The following ORC4 variants were observed in gnomAD, a reference collection of about 807,000 sequenced individuals.
ORC4 encodes the protein origin recognition complex subunit 4, also known as origin recognition complex, subunit 4 homolog.
ORC4 carries 55 observed loss-of-function variants against 63.9 expected under a neutral mutation model. The observed-to-expected ratio is 0.86, with a 90% CI of 0.69 to 1.08. The LOEUF is 1.08. ORC4 is among the 50% of genes least tolerant of loss of function. The pLI, the probability that ORC4 is intolerant of heterozygous loss-of-function variation, is 0.00. For missense variants in ORC4, 511 were observed against 504.4 expected, an observed-to-expected ratio of 1.01 and a Z score of -0.13; for synonymous variants, 150 against 168.5, an observed-to-expected ratio of 0.89 and a Z score of 0.85.
intron 1 of ORC4, among the ~76,000 whole-genome samples, chr2:148,009,591 T>TCTA (rs1692829453): frequency 6.6e-6 from 1 of 152,170 alleles, no homozygotes; most frequent in Non-Finnish European, 1.5e-5. Context: ...TCAAGTGTAT[T>TCTA]AGAGTTAAGG....
intron 4 of ORC4, among the ~76,000 whole-genome samples, chr2:147,970,779 T>G (rs190202384): frequency 1.3e-5 from 2 of 152,136 alleles, no homozygotes; most frequent in Non-Finnish European, 2.9e-5. Flanking sequence ...GTGATGAAGC[T>G]TCAGATACAA....
chr2:147,968,202 C>G (rs1040405053), intron 4 of ORC4, among the ~76,000 whole-genome samples: 1 of 151,894 alleles, frequency 6.6e-6, no homozygotes, highest in African/African-American at 2.4e-5. Flanking sequence ...TAGAAGAAAA[C>G]ATAGGGGTAA....
At chr2:148,002,212 A>G (rs1012883094) in intron 1 of ORC4, among the ~76,000 whole-genome samples, 1 of 152,188 alleles carries the variant, frequency 6.6e-6, no homozygotes, top group African/African-American at 2.4e-5. Flanking sequence ...AACAAGACAG[A>G]AAATTAACAA....
At position 147,975,986 on chromosome 2, in the gene ORC4, A is replaced by T. The variant is rs1304992982; in HGVS notation, c.-17-11T>A. 1 of 1,339,714 alleles carries T rather than the reference A, an allele frequency of 7.5e-7. No homozygotes were observed. The highest frequency in any genetic ancestry group is 1.1e-6 in the Non-Finnish European group (1 of 930,234). 83.0% of individuals were successfully genotyped at this position (1,339,714 alleles called of 1,614,324 possible). A position where few individuals can be genotyped will look rare whatever the true frequency, so the allele number is the denominator to read the frequency against. On this transcript the variant is annotated splice_polypyrimidine_tract_variant and intron_variant, in intron 1 of 13. Transcript: ENST00000392857. Reference sequence around the variant, plus strand: ...CAACAAATTCAAATCCTTTAAAAAAATTGGCATAAATATTATAAACGTAGT... The same window carrying T: ...CAACAAATTCAAATCCTTTAAAAAATTTGGCATAAATATTATAAACGTAGT...
intron 4 of ORC4, among the ~76,000 whole-genome samples, chr2:147,964,330 T>C (rs1378025466): frequency 6.6e-6 from 1 of 152,070 alleles, no homozygotes; most frequent in African/African-American, 2.4e-5. Flanking sequence ...AACTGAGACC[T>C]TCAATAACAG....
chr2:147,975,979 T>TA lies in ORC4; in HGVS notation c.-17-5dup, dbSNP rs2307399. The TA allele has an allele frequency of 0.57, 805,186 of 1,403,964 alleles. 238,784 individuals carry two copies. Among genetic ancestry groups the TA allele is most frequent in the African/African-American group, 0.83 (58,571 of 70,792 alleles). 87.0% of individuals were successfully genotyped at this position (1,403,964 alleles called of 1,614,324 possible). A position where few individuals can be genotyped will look rare whatever the true frequency, so the allele number is the denominator to read the frequency against. ...CTCATTTCAACAAATTCAAATCCTT[T>TA]AAAAAAATTGGCATAAATATTATAA... On this transcript the variant is annotated splice_polypyrimidine_tract_variant and splice_region_variant and intron_variant, in intron 1 of 13. Coordinates refer to ENST00000392857, the MANE Select transcript of ORC4 (RefSeq NM_181741.4).
chr2:147,953,231 G>A (rs1396017404), intron 7 of ORC4, among the ~76,000 whole-genome samples: 3 of 151,450 alleles, frequency 2.0e-5, no homozygotes, highest in East Asian at 1.9e-4. Flanking sequence ...CTTGAACTGC[G>A]GAGGCAGAGG....
chr2:147,935,754 CTGT>C, intron 13 of ORC4, 56 bp from the exon 14 acceptor site: 2 of 1,438,830 alleles, frequency 1.4e-6, no homozygotes, highest in Non-Finnish European at 2.0e-6. Flanking sequence ...GACAACTCTC[CTGT>C]TCTCTCCCAG....
chr2:148,003,879 T>C (rs1264092059), intron 1 of ORC4, among the ~76,000 whole-genome samples: 1 of 152,082 alleles, frequency 6.6e-6, no homozygotes, highest in African/African-American at 2.4e-5. Flanking sequence ...CAGCCCAAAA[T>C]CTCCTTGAGC....
At chr2:147,988,644 C>T (rs541923250) in intron 1 of ORC4, among the ~76,000 whole-genome samples, 2 of 152,204 alleles carry the variant, frequency 1.3e-5, no homozygotes, top group Admixed American at 6.5e-5. Flanking sequence ...TGAATCACCA[C>T]GCCCAGCCTC....
intron 7 of ORC4, among the ~76,000 whole-genome samples, chr2:147,953,289 G>A (rs1253666376): frequency 2.0e-5 from 3 of 152,070 alleles, no homozygotes; most frequent in Non-Finnish European, 4.4e-5. Flanking sequence ...TGGGCAACAA[G>A]AGTGAAACTC....
At position 147,973,522 on chromosome 2, in the gene ORC4, T is replaced by G. The variant is rs1423309619; in HGVS notation, c.60A>C (p.Val20=). Residue 20 remains valine, a splice_region_variant and synonymous_variant, in exon 3 of 14, where the codon GTA becomes GTC. Transcript: ENST00000392857. ...AAAATCTTTCACGTAAAATTCTTTG[T>G]ACCTGATGAAAATAAAGTGAATAAA... ...SLIHTECLSQ[V]QRILRERFCR... The G allele has an allele frequency of 3.2e-6, 5 of 1,565,222 alleles. No individual in the cohort carries two copies. The East Asian group carries it at 1.1e-4, about 35-fold the overall frequency.
intron 10 of ORC4, among the ~76,000 whole-genome samples, chr2:147,942,888 A>T (rs959164133): frequency 1.3e-5 from 2 of 152,154 alleles, no homozygotes; most frequent in African/African-American, 4.8e-5. Flanking sequence ...AGTTCAGCAT[A>T]GACTATAAGT....
chr2:147,950,897 T>C (rs1483299062), intron 8 of ORC4, among the ~76,000 whole-genome samples: 1 of 152,040 alleles, frequency 6.6e-6, no homozygotes, highest in Non-Finnish European at 1.5e-5. Context: ...TTTGGTCCGT[T>C]ATTGGGTCAA....
intron 1 of ORC4, among the ~76,000 whole-genome samples, chr2:147,976,553 C>T (rs964796311): frequency 2.0e-5 from 3 of 152,014 alleles, no homozygotes; most frequent in African/African-American, 7.2e-5. Flanking sequence ...CTTCTATTCA[C>T]CTTCCCTTTC....
At chr2:147,943,134 T>C (rs1688457698) in intron 10 of ORC4, among the ~76,000 whole-genome samples, 1 of 152,090 alleles carries the variant, frequency 6.6e-6, no homozygotes, top group Non-Finnish European at 1.5e-5. Flanking sequence ...AAAGGAGATA[T>C]GAACCCTATT....
chr2:147,950,696 T>G (rs1284979892), intron 8 of ORC4, among the ~76,000 whole-genome samples: 1 of 139,206 alleles, frequency 7.2e-6, no homozygotes, highest in African/African-American at 2.7e-5. Flanking sequence ...ACCCCGAAGG[T>G]GGAGGTTGCA....
At chr2:147,977,623 G>C (rs762443377) in intron 1 of ORC4, among the ~76,000 whole-genome samples, 10 of 152,194 alleles carry the variant, frequency 6.6e-5, no homozygotes, top group Non-Finnish European at 1.3e-4. Flanking sequence ...CTGTGGTCCA[G>C]GCTTCAGACT....
chr2:147,998,870 C>A (rs977321230), intron 1 of ORC4, among the ~76,000 whole-genome samples: 1 of 151,934 alleles, frequency 6.6e-6, no homozygotes, highest in African/African-American at 2.4e-5. Flanking sequence ...GTAGCAACCC[C>A]AAAGCATGTT....
Sources: allele counts gnomAD v4.1 joint callset (sites outside exome capture counted in the v4.1 genomes callset), GRCh38; gene constraint gnomAD v4.1.1; transcripts MANE v1.5; gene names NCBI Gene and HGNC (gene_info 2026-07-23, HGNC 2026-07-21).